The following PRKCI variants were observed in gnomAD, a reference collection of about 807,000 sequenced individuals.
PRKCI encodes protein kinase C iota type.
A neutral mutation model predicts 84.0 loss-of-function variants in PRKCI; 43 were observed. That is an observed-to-expected ratio of 0.51 (90% CI 0.40 to 0.66). The LOEUF (loss-of-function observed/expected upper bound fraction) is 0.66. Ranked by LOEUF, PRKCI falls within the 30% of genes least tolerant of loss-of-function variation. The pLI is 0.00. For synonymous variants in PRKCI, 216 were observed against 234.4 expected, an observed-to-expected ratio of 0.92 and a Z score of 0.72; for missense variants, 459 against 745.6, an observed-to-expected ratio of 0.62 and a Z score of 4.48.
At chr3:170,264,114 G>T (rs1218905438) in intron 4 of PRKCI, among the ~76,000 whole-genome samples, 1 of 151,254 alleles carries the variant, frequency 6.6e-6, no homozygotes, top group Non-Finnish European at 1.5e-5. Flanking sequence ...CTTTATCTCT[G>T]TATCTGTCTA....
In PRKCI at chr3:170,267,926, C is replaced by T; in HGVS notation, c.376C>T (p.Arg126Cys). The change falls in exon 5 of 18, where the codon CGT becomes TGT. Residue 126 changes from arginine to cysteine, a missense_variant. By Grantham distance (180) the Arg-to-Cys change is radical. Around this residue, in one of 2 missense-constraint regions of PRKCI, gnomAD observed 250 missense variants for 319.7 expected, o/e 0.78. Coordinates refer to ENST00000295797, the MANE Select transcript of PRKCI (RefSeq NM_002740.6). Reference protein sequence around the residue: ...PCPGEDKSIYRRGARRWRKLY... With the variant: ...PCPGEDKSIYCRGARRWRKLY... ...TACTCTGTCTTCAGAATCCATCTAC[C>T]GTAGAGGTGCACGCCGCTGGAGAAA... is the stretch of plus-strand genomic sequence containing the variant. 1.2e-6 allele frequency: 2 copies of T among 1,608,948 alleles called. No homozygotes were observed. The highest frequency in any genetic ancestry group is 1.7e-6 in the Non-Finnish European group (2 of 1,177,178).
chr3:170,303,712 T>A lies in PRKCI; in HGVS notation c.*585T>A, dbSNP rs1261067066. On this transcript the variant is annotated 3_prime_UTR_variant, in exon 18 of 18. Transcript: ENST00000295797. ...TGCTGCTTGCTTAGAATTGGGAAAT[T>A]CGGCTGGGTGCAGTGACTCAATGCC... 4.6e-6 allele frequency: 1 copy of A among 215,128 alleles called. No homozygotes were observed. Among genetic ancestry groups the A allele is most frequent in the East Asian group, 6.9e-5 (1 of 14,468 alleles). The allele number at this position is 215,128 out of a possible 1,614,324, so 13.3% of individuals were successfully genotyped here.
At chr3:170,280,788 T>C (rs953746931) in intron 9 of PRKCI, among the ~76,000 whole-genome samples, 8 of 152,334 alleles carry the variant, frequency 5.3e-5, no homozygotes, top group Admixed American at 4.6e-4. Flanking sequence ...TGTTTGTGCT[T>C]TATTATCTCA....
intron 12 of PRKCI, among the ~76,000 whole-genome samples, chr3:170,291,004 C>T (rs943520494): frequency 6.6e-6 from 1 of 152,030 alleles, no homozygotes; most frequent in African/African-American, 2.4e-5. Context: ...GGTGTGGTGG[C>T]ACACGCCTAT....
Position 170,222,570 on chromosome 3 carries a change from C to A in PRKCI, c.-100C>A. Reference sequence around the variant, plus strand: ...GGTGGGCAGGTAGGTGGGCGGACGGCCGCGGTTCTCCGGCAAGCGCAGGCG... The same window carrying A: ...GGTGGGCAGGTAGGTGGGCGGACGGACGCGGTTCTCCGGCAAGCGCAGGCG... On this transcript the variant is annotated 5_prime_UTR_variant, in exon 1 of 18. Transcript: ENST00000295797. The A allele has an allele frequency of 9.4e-7, 1 of 1,068,450 alleles. No homozygotes were observed. The highest frequency in any genetic ancestry group is 1.8e-5 in the South Asian group (1 of 55,586). 66.2% of individuals were successfully genotyped at this position (1,068,450 alleles called of 1,614,324 possible). A position where few individuals can be genotyped will look rare whatever the true frequency, so the allele number is the denominator to read the frequency against.
intron 12 of PRKCI, among the ~76,000 whole-genome samples, chr3:170,289,094 G>T (rs1451169807): frequency 1.3e-5 from 2 of 152,106 alleles, no homozygotes; most frequent in Non-Finnish European, 2.9e-5. Flanking sequence ...CTTAGCAAAT[G>T]GACCTACATT....
chr3:170,272,095 A>G (rs1178495501), intron 6 of PRKCI, among the ~76,000 whole-genome samples: 1 of 152,194 alleles, frequency 6.6e-6, no homozygotes, highest in South Asian at 2.1e-4. Flanking sequence ...TCGGTCTCCC[A>G]AAGTGCTGGA....
At chr3:170,255,588 A>G (rs557902575) in intron 2 of PRKCI, among the ~76,000 whole-genome samples, 1 of 152,290 alleles carries the variant, frequency 6.6e-6, no homozygotes, top group Admixed American at 6.5e-5. Context: ...ATATAAGATG[A>G]TATCATCTGC....
At position 170,302,362 on chromosome 3, in the gene PRKCI, G is replaced by A. The variant is rs574996455; in HGVS notation, c.1704-678G>A. 4.0e-4 allele frequency among the ~76,000 whole-genome samples: 61 copies of A among 152,270 alleles called. No individual in the cohort carries two copies. In the South Asian group the frequency reaches 0.012, roughly 31 times the overall value. On this transcript the variant is annotated intron_variant, in intron 17 of 17. Transcript: ENST00000295797. ...GTTAGAACAGGACTTAGCTTATTGTGTATAAAATTTAACAAGTACTGCTTT... is the reference window on the plus strand; with the variant it reads ...GTTAGAACAGGACTTAGCTTATTGTATATAAAATTTAACAAGTACTGCTTT...
At chr3:170,234,829 A>G (rs375458815) in intron 1 of PRKCI, among the ~76,000 whole-genome samples, 100 of 152,192 alleles carry the variant, frequency 6.6e-4, no homozygotes, top group African/African-American at 2.3e-3. Flanking sequence ...TTTTTGACAC[A>G]GTCTCCTCTG....
Position 170,222,434 on chromosome 3 carries a change from G to A in PRKCI, c.-236G>A, listed in dbSNP as rs1259735324. 3 of 441,752 alleles carry A rather than the reference G, an allele frequency of 6.8e-6. No individual in the cohort carries two copies. The highest frequency in any genetic ancestry group is 7.9e-6 in the Non-Finnish European group (2 of 253,728). The allele number at this position is 441,752 out of a possible 1,614,324, so 27.4% of individuals were successfully genotyped here. On this transcript the variant is annotated 5_prime_UTR_variant, in exon 1 of 18. The change creates a new upstream start codon in the 5' untranslated region. Transcript: ENST00000295797. ...GAAGTGGGAGGGACCGACGCAGGAGGTGTCTTGGGCCCGGGCGGCTGTAGA... is the reference window on the plus strand; with the variant it reads ...GAAGTGGGAGGGACCGACGCAGGAGATGTCTTGGGCCCGGGCGGCTGTAGA...
At chr3:170,263,502 A>G (rs1050103503) in intron 4 of PRKCI, 73 bp downstream of exon 4, 13 of 1,377,978 alleles carry the variant, frequency 9.4e-6, no homozygotes, top group Non-Finnish European at 1.3e-5. Context: ...GAAATCAGAG[A>G]TAGAATTTTT....
At chr3:170,299,741 A>G (rs2108868627) in intron 17 of PRKCI, among the ~76,000 whole-genome samples, 1 of 152,376 alleles carries the variant, frequency 6.6e-6, no homozygotes. Context: ...ATCAGGTGGC[A>G]GAGTCAGGAT....
At chr3:170,283,123 A>G (rs1734294370) in intron 11 of PRKCI, among the ~76,000 whole-genome samples, 1 of 151,748 alleles carries the variant, frequency 6.6e-6, no homozygotes, top group Non-Finnish European at 1.5e-5. Context: ...AAAAAAAAGT[A>G]TTGAATATTA....
intron 1 of PRKCI, among the ~76,000 whole-genome samples, chr3:170,223,916 CTTTTT>C (rs3842653): frequency 1.3e-5 from 2 of 150,094 alleles, no homozygotes; most frequent in African/African-American, 4.9e-5. Flanking sequence ...GATGTAAGGA[CTTTTT>C]TTTTTATTAT....
intron 1 of PRKCI, among the ~76,000 whole-genome samples, chr3:170,224,227 C>T (rs987904941): frequency 6.6e-6 from 1 of 151,862 alleles, no homozygotes; most frequent in Admixed American, 6.6e-5. Flanking sequence ...CCTCTGGCCT[C>T]TGTTTATTAT....
At chr3:170,262,592 G>C (rs1733753915) in intron 3 of PRKCI, among the ~76,000 whole-genome samples, 1 of 151,986 alleles carries the variant, frequency 6.6e-6, no homozygotes, top group South Asian at 2.1e-4. Flanking sequence ...GTGATTCCCG[G>C]GCCTCAGCCT....
intron 2 of PRKCI, among the ~76,000 whole-genome samples, chr3:170,250,852 T>G (rs1415274415): frequency 6.6e-6 from 1 of 152,188 alleles, no homozygotes. Context: ...ACACTTAGAC[T>G]TGTTATTTAT....
At chr3:170,279,190 G>A (rs549809548) in intron 8 of PRKCI, among the ~76,000 whole-genome samples, 48 of 152,160 alleles carry the variant, frequency 3.2e-4, no homozygotes, top group Non-Finnish European at 5.4e-4. Context: ...CCAACATCCG[G>A]CTAATTTTTG....
Sources: allele counts gnomAD v4.1 joint callset (sites outside exome capture counted in the v4.1 genomes callset), GRCh38; gene constraint gnomAD v4.1.1; regional missense constraint gnomAD v4.1.1; transcripts MANE v1.5; gene names NCBI Gene and HGNC (gene_info 2026-07-23, HGNC 2026-07-21).